Variants in PRKCE observed in about 807,000 individuals in gnomAD.
The protein encoded by PRKCE is protein kinase C epsilon, also known as protein kinase C epsilon type.
Under a neutral mutation model 85.4 loss-of-function variants are expected in PRKCE, and 16 were observed. The observed-to-expected ratio is 0.19, with a 90% CI of 0.13 to 0.28. The LOEUF (loss-of-function observed/expected upper bound fraction) is 0.28. Among genes scored for constraint, PRKCE ranks in the 10% least tolerant of loss-of-function variants. The pLI, the probability that PRKCE is intolerant of heterozygous loss-of-function variation, is 1.00. For missense variants in PRKCE, 573 were observed against 975.2 expected (o/e 0.59, Z 5.49); for synonymous variants, 388 against 371.5 (o/e 1.04, Z -0.51).
intron 11 of PRKCE, among the ~76,000 whole-genome samples, chr2:46,100,403 C>T (rs542116959): frequency 2.0e-5 from 3 of 152,300 alleles, no homozygotes; most frequent in African/African-American, 7.2e-5. Context: ...TCTGATGTTG[C>T]CAAGTTGTAT....
chr2:45,951,237 G>A (rs1700599184), intron 2 of PRKCE, among the ~76,000 whole-genome samples: 3 of 152,224 alleles, frequency 2.0e-5, no homozygotes, highest in Non-Finnish European at 4.4e-5. Context: ...CTTCCCAGGT[G>A]ATTCTGGTAA....
Position 45,694,092 on chromosome 2 carries a change from C to T in PRKCE, c.348+41644C>T, listed in dbSNP as rs114389444. Among the ~76,000 whole-genome samples the T allele has an allele frequency of 3.6e-3, 543 of 151,314 alleles. 7 individuals carry two copies. Among genetic ancestry groups the T allele is most frequent in the African/African-American group, 0.012 (509 of 41,172 alleles). ...GTTATTTATTTCTGCTGTATCCTAACGATATGAGGATGAGAGGCTTACACC... is the reference window on the plus strand; with the variant it reads ...GTTATTTATTTCTGCTGTATCCTAATGATATGAGGATGAGAGGCTTACACC... On this transcript the variant is annotated intron_variant, in intron 1 of 14. Coordinates refer to ENST00000306156, the MANE Select transcript of PRKCE (RefSeq NM_005400.3).
chr2:46,175,999 T>G (rs1354190398), intron 14 of PRKCE, among the ~76,000 whole-genome samples: 4 of 152,090 alleles, frequency 2.6e-5, no homozygotes, highest in Non-Finnish European at 5.9e-5. Flanking sequence ...GTCTGGAGAT[T>G]CCAATTCATC....
chr2:45,923,258 T>C (rs73926117), intron 2 of PRKCE, among the ~76,000 whole-genome samples: 2,362 of 152,290 alleles, frequency 0.016, 65 homozygotes, highest in African/African-American at 0.054. Context: ...GTCCCTGGTA[T>C]TGTGACACAT....
At chr2:45,935,073 A>T (rs1232920600) in intron 2 of PRKCE, among the ~76,000 whole-genome samples, 4 of 150,020 alleles carry the variant, frequency 2.7e-5, no homozygotes, top group Admixed American at 6.6e-5. Flanking sequence ...TCTCTCACAC[A>T]CACACACACA....
chr2:45,868,153 CAAACAA>C (rs1027490815), intron 2 of PRKCE, among the ~76,000 whole-genome samples: 2 of 146,358 alleles, frequency 1.4e-5, no homozygotes, highest in Non-Finnish European at 3.0e-5. Context: ...AACAAACAAA[CAAACAA>C]AAAACAAACA....
At chr2:45,884,974 TATATATATATATATATATA>T (rs1178114184) in intron 2 of PRKCE, among the ~76,000 whole-genome samples, 11 of 63,154 alleles carry the variant, frequency 1.7e-4, no homozygotes, top group East Asian at 5.0e-3. Flanking sequence ...TATATATATA[TATATATATATATATATATA>T]TATATATATT....
chr2:45,987,161 C>A (rs1703394857), intron 6 of PRKCE, among the ~76,000 whole-genome samples: 1 of 151,960 alleles, frequency 6.6e-6, no homozygotes, highest in Non-Finnish European at 1.5e-5. Context: ...GCTGTGGGTC[C>A]CCAATGACCC....
Position 45,998,748 on chromosome 2 carries a change from GTCT to G in PRKCE, c.824-2653_824-2651del, listed in dbSNP as rs547112908. ...GCCCTTATTCTTTGTTTCTATGTTT[GTCT>G]TCCACTCATTTTCTGCCTTTTGTGG... On this transcript the variant is annotated intron_variant, in intron 6 of 14. Transcript: ENST00000306156. 1.2e-4 allele frequency among the ~76,000 whole-genome samples: 19 copies of G among 152,086 alleles called. 1 individual carries two copies. The South Asian group carries it at 3.5e-3, about 28-fold the overall frequency.
intron 11 of PRKCE, among the ~76,000 whole-genome samples, chr2:46,142,336 G>A (rs1457738375): frequency 6.6e-6 from 1 of 152,196 alleles, no homozygotes; most frequent in East Asian, 1.9e-4. Flanking sequence ...GACCCCCAGA[G>A]AAATAGAAAG....
chr2:45,706,235 A>G (rs568613732), intron 1 of PRKCE, among the ~76,000 whole-genome samples: 1 of 152,152 alleles, frequency 6.6e-6, no homozygotes, highest in African/African-American at 2.4e-5. Context: ...CTGCTGTTGT[A>G]GTTGGCAAGA....
intron 11 of PRKCE, among the ~76,000 whole-genome samples, chr2:46,097,838 T>C (rs1670855859): frequency 6.6e-6 from 1 of 152,192 alleles, no homozygotes; most frequent in South Asian, 2.1e-4. Context: ...CCCAAACTGA[T>C]TCCATGCAGT....
chr2:45,841,004 A>G lies in PRKCE; in HGVS notation c.349-1996A>G, dbSNP rs1274267576. On this transcript the variant is annotated intron_variant, in intron 1 of 14. Transcript: ENST00000306156. The stretch of plus-strand genomic sequence containing the variant: ...AATAGACTCTGGAAGTTCTGAACAC[A>G]GAGCCTTTTCCCACCTCCACGAGTG... Among the ~76,000 whole-genome samples the G allele has an allele frequency of 5.3e-5, 8 of 152,296 alleles. No homozygotes were observed. The East Asian group carries it at 1.4e-3, about 26-fold the overall frequency.
chr2:45,723,923 T>C (rs1329619219), intron 1 of PRKCE, among the ~76,000 whole-genome samples: 1 of 152,168 alleles, frequency 6.6e-6, no homozygotes, highest in Admixed American at 6.5e-5. Flanking sequence ...TCTTTTAATT[T>C]GTTCATTCTG....
chr2:45,714,174 C>G (rs950578825), intron 1 of PRKCE, among the ~76,000 whole-genome samples: 2 of 152,168 alleles, frequency 1.3e-5, no homozygotes, highest in African/African-American at 4.8e-5. Context: ...GGCCCCTGCT[C>G]TGATGGGACT....
At chr2:46,003,893 CTCTT>C (rs964108946) in intron 7 of PRKCE, 1 of 153,620 alleles carries the variant, frequency 6.5e-6, no homozygotes, top group African/African-American at 2.4e-5. Context: ...TAGGAACACT[CTCTT>C]TTTTTTTTAT....
intron 10 of PRKCE, among the ~76,000 whole-genome samples, chr2:46,073,097 G>A (rs552482229): frequency 2.6e-5 from 4 of 152,274 alleles, no homozygotes; most frequent in African/African-American, 9.6e-5. Flanking sequence ...GGTTCTAAAC[G>A]TCCACCAGCT....
Position 46,159,551 on chromosome 2 carries a change from G to T in PRKCE, c.1921-55G>T, listed in dbSNP as rs1677552232. Reference sequence around the variant, plus strand: ...GGCTGACCTCCATCTGTCCCTTATAGCCTGTGCTGGCCAGGCCTTTGTCAC... The same window carrying T: ...GGCTGACCTCCATCTGTCCCTTATATCCTGTGCTGGCCAGGCCTTTGTCAC... On this transcript the variant is annotated intron_variant, in intron 13 of 14. Transcript: ENST00000306156. The surrounding 1 kb of genome is among the most constrained non-coding windows in gnomAD (Gnocchi z 4.1). 1.3e-6 allele frequency: 2 copies of T among 1,532,372 alleles called. No individual in the cohort carries two copies. The highest frequency in any genetic ancestry group is 2.8e-5 in the African/African-American group (2 of 72,262). The allele number at this position is 1,532,372 out of a possible 1,614,324, so 94.9% of individuals were successfully genotyped here. A position where few individuals can be genotyped will look rare whatever the true frequency, so the allele number is the denominator to read the frequency against.
At chr2:46,073,748 G>A (rs1049435794) in intron 10 of PRKCE, 1 of 152,146 alleles carries the variant, frequency 6.6e-6, no homozygotes, top group Admixed American at 6.5e-5. Context: ...ATCAGGAAGG[G>A]AAAATGTCAG....
Sources: allele counts gnomAD v4.1 joint callset (sites outside exome capture counted in the v4.1 genomes callset), GRCh38; gene constraint gnomAD v4.1.1; non-coding constraint Gnocchi (gnomAD v3.1); transcripts MANE v1.5; gene names NCBI Gene and HGNC (gene_info 2026-07-23, HGNC 2026-07-21).